B3GALT1: variants seen among roughly 807,000 people sequenced by gnomAD.
The protein encoded by B3GALT1 is UDP-Gal:betaGlcNAc beta 1,3-galactosyltransferase, polypeptide 1.
A neutral mutation model predicts 23.2 loss-of-function variants in B3GALT1; 10 were observed. The ratio of observed to expected loss-of-function variants is 0.43; its 90% CI spans 0.27 to 0.73. The LOEUF (loss-of-function observed/expected upper bound fraction) is 0.73. Among genes scored for constraint, B3GALT1 ranks in the 30% least tolerant of loss-of-function variants. B3GALT1 has a pLI of 0.21. For synonymous variants in B3GALT1, 156 were observed against 141.5 expected, an observed-to-expected ratio of 1.10 and a Z score of -0.73; for missense variants, 299 against 405.4, an observed-to-expected ratio of 0.74 and a Z score of 2.25.
At chr2:167,630,631 C>CAA (rs142682826) in intron 2 of B3GALT1, among the ~76,000 whole-genome samples, 1 of 137,872 alleles carries the variant, frequency 7.3e-6, no homozygotes, top group African/African-American at 2.6e-5. Context: ...AATTATTCAG[C>CAA]AAAAAAAAAA....
intron 4 of B3GALT1, among the ~76,000 whole-genome samples, chr2:167,819,350 A>G (rs1454895511): frequency 6.6e-6 from 1 of 152,246 alleles, no homozygotes; most frequent in Non-Finnish European, 1.5e-5. Flanking sequence ...AGGATTTTGC[A>G]TAGAAAATGA....
intron 1 of B3GALT1, among the ~76,000 whole-genome samples, chr2:167,377,012 G>T (rs1697776605): frequency 6.6e-6 from 1 of 152,054 alleles, no homozygotes; most frequent in Admixed American, 6.6e-5. Context: ...TGTTTTTGCT[G>T]CATCCCAGAG....
At chr2:167,351,670 A>C (rs1046580610) in intron 1 of B3GALT1, among the ~76,000 whole-genome samples, 1 of 152,222 alleles carries the variant, frequency 6.6e-6, no homozygotes. Flanking sequence ...AATGAACAAC[A>C]TACTAGTAAA....
intron 3 of B3GALT1, among the ~76,000 whole-genome samples, chr2:167,667,465 T>G (rs1686223515): frequency 6.6e-6 from 1 of 152,132 alleles, no homozygotes; most frequent in South Asian, 2.1e-4. Context: ...CTTTGTGGTG[T>G]TCTCTGTATT....
At chr2:167,467,342 T>C (rs2105328950) in intron 1 of B3GALT1, among the ~76,000 whole-genome samples, 1 of 152,288 alleles carries the variant, frequency 6.6e-6, no homozygotes, top group East Asian at 1.9e-4. Context: ...TCGAGCATTA[T>C]TTTTAACTCA....
intron 3 of B3GALT1, among the ~76,000 whole-genome samples, chr2:167,689,383 C>T (rs1161090731): frequency 6.6e-6 from 1 of 151,924 alleles, no homozygotes; most frequent in East Asian, 1.9e-4. Context: ...AACTTGTCAC[C>T]AACAGACATA....
intron 3 of B3GALT1, among the ~76,000 whole-genome samples, chr2:167,652,679 A>G (rs1187116841): frequency 3.3e-5 from 5 of 152,052 alleles, no homozygotes; most frequent in African/African-American, 1.2e-4. Context: ...TTACATATTA[A>G]TATTTATCTG....
chr2:167,508,493 C>T (rs1408411194), intron 2 of B3GALT1, among the ~76,000 whole-genome samples: 7 of 151,980 alleles, frequency 4.6e-5, no homozygotes, highest in Non-Finnish European at 7.4e-5. Context: ...CTCCTAACCT[C>T]GTGATCCACC....
intron 3 of B3GALT1, among the ~76,000 whole-genome samples, chr2:167,814,407 A>G (rs71429000): frequency 2.0e-5 from 3 of 152,198 alleles, no homozygotes; most frequent in African/African-American, 7.2e-5. Context: ...AGAAGCTATA[A>G]CAATACAAGA....
intron 2 of B3GALT1, among the ~76,000 whole-genome samples, chr2:167,504,680 T>C (rs1574107547): frequency 1.3e-5 from 2 of 152,322 alleles, no homozygotes; most frequent in South Asian, 4.1e-4. Context: ...GCTGTATATA[T>C]GATGGTGGTC....
chr2:167,639,068 A>G (rs1366977348), intron 2 of B3GALT1, among the ~76,000 whole-genome samples: 2 of 152,068 alleles, frequency 1.3e-5, no homozygotes, highest in East Asian at 3.9e-4. Context: ...TAAGTTGTAC[A>G]TATGCTCAAA....
chr2:167,842,113 A>C (rs1206832565), intron 4 of B3GALT1, among the ~76,000 whole-genome samples: 1 of 152,234 alleles, frequency 6.6e-6, no homozygotes, highest in East Asian at 1.9e-4. Flanking sequence ...TTCACCTATT[A>C]TGGTAGGGAC....
At chr2:167,541,310 TCTC>T (rs1195535474) in intron 2 of B3GALT1, among the ~76,000 whole-genome samples, 1 of 152,136 alleles carries the variant, frequency 6.6e-6, no homozygotes, top group Non-Finnish European at 1.5e-5. Context: ...TTTCTATTCT[TCTC>T]CTCACATCTA....
intron 2 of B3GALT1, among the ~76,000 whole-genome samples, chr2:167,542,476 A>G (rs1683548734): frequency 6.6e-6 from 1 of 152,190 alleles, no homozygotes; most frequent in Admixed American, 6.5e-5. Flanking sequence ...GGAGAAAGCC[A>G]CAGGCATAGT....
intron 1 of B3GALT1, among the ~76,000 whole-genome samples, chr2:167,300,924 A>G (rs562575610): frequency 3.7e-4 from 57 of 152,340 alleles, no homozygotes; most frequent in African/African-American, 1.3e-3. Flanking sequence ...AAGTACATTC[A>G]ACATCAGTGT....
At chr2:167,396,371 G>C (rs77541288) in intron 1 of B3GALT1, among the ~76,000 whole-genome samples, 1 of 152,040 alleles carries the variant, frequency 6.6e-6, no homozygotes, top group African/African-American at 2.4e-5. Flanking sequence ...GGAATGCTTA[G>C]TAAATAGAGT....
At chr2:167,640,898 T>C (rs943003959) in intron 2 of B3GALT1, among the ~76,000 whole-genome samples, 1 of 152,158 alleles carries the variant, frequency 6.6e-6, no homozygotes, top group South Asian at 2.1e-4. Context: ...TTCGGATAAA[T>C]TGTTGACTTA....
At chr2:167,686,150 C>T (rs1302218172) in intron 3 of B3GALT1, among the ~76,000 whole-genome samples, 1 of 152,114 alleles carries the variant, frequency 6.6e-6, no homozygotes, top group African/African-American at 2.4e-5. Context: ...TTAGATAGTA[C>T]ACTAGGATTT....
At chr2:167,791,928 G>A (rs1335762011) in intron 3 of B3GALT1, among the ~76,000 whole-genome samples, 1 of 151,826 alleles carries the variant, frequency 6.6e-6, no homozygotes, top group Non-Finnish European at 1.5e-5. Flanking sequence ...TACTGGGCAT[G>A]TAATAGACAT....
Sources: allele counts gnomAD v4.1 joint callset (sites outside exome capture counted in the v4.1 genomes callset), GRCh38; gene constraint gnomAD v4.1.1; transcripts MANE v1.5; gene names NCBI Gene and HGNC (gene_info 2026-07-23, HGNC 2026-07-21).